The following PRKCB variants were observed in gnomAD, a reference collection of about 807,000 sequenced individuals.
PRKCB encodes protein kinase C beta type.
Under a neutral mutation model 81.5 loss-of-function variants are expected in PRKCB, and 13 were observed. The ratio of observed to expected loss-of-function variants is 0.16; its 90% confidence interval spans 0.10 to 0.25. The LOEUF is 0.25. PRKCB is among the 10% of genes least tolerant of loss of function. The pLI, the probability that PRKCB is intolerant of heterozygous loss-of-function variation, is 1.00. For synonymous variants in PRKCB, 335 were observed against 321.4 expected (o/e 1.04, Z -0.45); for missense variants, 509 against 875.7 (o/e 0.58, Z 5.29).
rs1304124682 is a variant in PRKCB at position 24,131,860 on chromosome 16, G to A, written c.1065+7879G>A. Reference sequence around the variant, plus strand: ...TCATAAAATCTTACACTTACACAATGTAAGATTGAGGTGATTTGGCAGCTC... The same window carrying A: ...TCATAAAATCTTACACTTACACAATATAAGATTGAGGTGATTTGGCAGCTC... On this transcript the variant is annotated intron_variant, in intron 9 of 16. Coordinates refer to ENST00000643927, the MANE Select transcript of PRKCB (RefSeq NM_002738.7). Among the ~76,000 whole-genome samples, 3 of 152,198 alleles carry A rather than the reference G, an allele frequency of 2.0e-5. No homozygotes were observed. In the East Asian group the frequency reaches 5.8e-4, roughly 29 times the overall value.
chr16:23,895,336 C>T (rs1271932115), intron 2 of PRKCB, among the ~76,000 whole-genome samples: 1 of 152,092 alleles, frequency 6.6e-6, no homozygotes, highest in African/African-American at 2.4e-5. Context: ...TCCCCTCAAA[C>T]AACCACCTCT....
intron 10 of PRKCB, among the ~76,000 whole-genome samples, chr16:24,167,507 C>A (rs1176250438): frequency 6.6e-6 from 1 of 151,576 alleles, no homozygotes; most frequent in Non-Finnish European, 1.5e-5. Flanking sequence ...CTGCAGTGAG[C>A]AGAGATCACG....
intron 4 of PRKCB, 84 bp downstream of exon 4, chr16:24,032,331 C>A: frequency 1.1e-6 from 1 of 919,900 alleles, no homozygotes; most frequent in Non-Finnish European, 1.7e-6. Flanking sequence ...GGGTCCAGGT[C>A]TGCCATACAT....
rs545314227 is a variant in PRKCB, at chr16:23,944,984, G to A, written c.206-43524G>A. Among the ~76,000 whole-genome samples the A allele has an allele frequency of 2.0e-5, 3 of 152,262 alleles. No homozygotes were observed. The South Asian group carries it at 6.2e-4, about 32-fold the overall frequency. On this transcript the variant is annotated intron_variant, in intron 2 of 16. Coordinates refer to ENST00000643927, the MANE Select transcript of PRKCB (RefSeq NM_002738.7). Reference sequence around the variant, plus strand: ...TGAGGGGCCAAGGAGGTTCCGATGAGCAAAAATGGAAGAGAAAGAACGTCA... The same window carrying A: ...TGAGGGGCCAAGGAGGTTCCGATGAACAAAAATGGAAGAGAAAGAACGTCA...
intron 16 of PRKCB, among the ~76,000 whole-genome samples, chr16:24,193,443 TCAAATAAA>T (rs1967824535): frequency 1.1e-5 from 1 of 92,336 alleles, no homozygotes; most frequent in East Asian, 2.7e-4. Flanking sequence ...AGACTCCATC[TCAAATAAA>T]TAAATAAATA....
intron 2 of PRKCB, among the ~76,000 whole-genome samples, chr16:23,881,806 C>G (rs2141108471): frequency 6.6e-6 from 1 of 151,688 alleles, no homozygotes; most frequent in Non-Finnish European, 1.5e-5. Context: ...AACTCTATAC[C>G]CACTGGCAAT....
At chr16:23,876,862 G>T (rs9940072) in intron 2 of PRKCB, among the ~76,000 whole-genome samples, 74,844 of 152,082 alleles carry the variant, frequency 0.49, 18,947 homozygotes, top group East Asian at 0.62. Flanking sequence ...TGAGACCTAA[G>T]TGACAGGGAA....
rs23555 is a variant in PRKCB, at chr16:24,142,593, G to A, written c.1066-12091G>A. 7.6e-3 allele frequency among the ~76,000 whole-genome samples: 1,161 copies of A among 152,124 alleles called. 10 individuals carry two copies. The highest frequency in any genetic ancestry group is 0.02 in the Middle Eastern group (6 of 294). The stretch of plus-strand genomic sequence containing the variant: ...AAGGTTCCGATTTAATTGGTCTAGA[G>A]TGTGGCCCAAGCATCGGCTTCTAAA... On this transcript the variant is annotated intron_variant, in intron 9 of 16. Transcript: ENST00000643927.
intron 8 of PRKCB, among the ~76,000 whole-genome samples, chr16:24,116,201 G>A (rs983935325): frequency 6.6e-6 from 1 of 152,000 alleles, no homozygotes; most frequent in Non-Finnish European, 1.5e-5. Context: ...CAAGATAAAG[G>A]ACAAGTTTGT....
At chr16:23,973,810 A>G (rs1272357963) in intron 2 of PRKCB, among the ~76,000 whole-genome samples, 1 of 152,060 alleles carries the variant, frequency 6.6e-6, no homozygotes, top group African/African-American at 2.4e-5. Flanking sequence ...CTACCTGGGT[A>G]CAGGCATGCA....
At chr16:24,167,504 G>C (rs1967365673) in intron 10 of PRKCB, among the ~76,000 whole-genome samples, 1 of 151,908 alleles carries the variant, frequency 6.6e-6, no homozygotes, top group Non-Finnish European at 1.5e-5. Context: ...AGGCTGCAGT[G>C]AGCAGAGATC....
chr16:23,977,903 T>G lies in PRKCB; in HGVS notation c.206-10605T>G, dbSNP rs561285348. Among the ~76,000 whole-genome samples the G allele has an allele frequency of 5.3e-5, 8 of 152,100 alleles. No individual in the cohort carries two copies. In the South Asian group the frequency reaches 1.7e-3, roughly 32 times the overall value. ...TCAGCTGCAATGAGTGGTTTCCGAG[T>G]GTGGGAGAGACCAGAAGAGCTCATT... is the stretch of plus-strand genomic sequence containing the variant. On this transcript the variant is annotated intron_variant, in intron 2 of 16. Coordinates refer to ENST00000643927, the MANE Select transcript of PRKCB (RefSeq NM_002738.7).
rs185421766 is a variant in PRKCB at position 24,090,869 on chromosome 16, G to A, written c.530-1922G>A. ...AGCAAAGGTTGCAGGAAATGAGGGG[G>A]TGCTTTCTCTCCTACTTTCCAATAT... On this transcript the variant is annotated intron_variant, in intron 5 of 16. Coordinates refer to ENST00000643927, the MANE Select transcript of PRKCB (RefSeq NM_002738.7). Among the ~76,000 whole-genome samples, 22 of 151,982 alleles carry A rather than the reference G, an allele frequency of 1.4e-4. No individual in the cohort carries two copies. The East Asian group carries it at 4.1e-3, about 28-fold the overall frequency.
intron 5 of PRKCB, among the ~76,000 whole-genome samples, chr16:24,061,131 G>A (rs1965968357): frequency 6.6e-6 from 1 of 151,968 alleles, no homozygotes; most frequent in African/African-American, 2.4e-5. Flanking sequence ...CATGATCTTG[G>A]CTCACTGCAA....
At chr16:24,151,586 C>A (rs1386263324) in intron 9 of PRKCB, 4 of 330,662 alleles carry the variant, frequency 1.2e-5, no homozygotes, top group Non-Finnish European at 2.4e-5. Flanking sequence ...CTGAATGGAA[C>A]CTCCAGATTA....
intron 9 of PRKCB, among the ~76,000 whole-genome samples, chr16:24,149,280 A>G (rs1967040243): frequency 2.0e-5 from 3 of 152,216 alleles, no homozygotes; most frequent in Non-Finnish European, 4.4e-5. Context: ...TTGGAGGAGT[A>G]TCAAATATTT....
chr16:23,864,854 C>T (rs1171306393), intron 2 of PRKCB, among the ~76,000 whole-genome samples: 2 of 152,126 alleles, frequency 1.3e-5, no homozygotes, highest in African/African-American at 2.4e-5. Flanking sequence ...AACCTAGCAT[C>T]TGATAGGTAG....
chr16:24,054,318 A>G lies in PRKCB; in HGVS notation c.529+18771A>G, dbSNP rs114177509. On this transcript the variant is annotated intron_variant, in intron 5 of 16. Coordinates refer to ENST00000643927, the MANE Select transcript of PRKCB (RefSeq NM_002738.7). The stretch of plus-strand genomic sequence containing the variant: ...TGCAACTCCATTTCTTGCTTTCCCA[A>G]TGGTAGGCAATATCTCTTAACTTTG... 4.1e-3 allele frequency among the ~76,000 whole-genome samples: 621 copies of G among 152,230 alleles called. 1 individual carries two copies. The highest frequency in any genetic ancestry group is 0.014 in the African/African-American group (573 of 41,512).
chr16:23,885,143 A>C (rs1241458274), intron 2 of PRKCB, among the ~76,000 whole-genome samples: 1 of 152,206 alleles, frequency 6.6e-6, no homozygotes, highest in Non-Finnish European at 1.5e-5. Flanking sequence ...TATATGCCAG[A>C]CACTAACTCT....
Sources: gnomAD v4.1 joint callset for allele counts (sites outside exome capture counted in the v4.1 genomes callset) on GRCh38, gnomAD v4.1.1 for gene constraint, MANE v1.5 for transcripts, NCBI Gene and HGNC (gene_info 2026-07-23, HGNC 2026-07-21) for gene names.